The following ALDH1L1 variants were observed in gnomAD, a reference collection of about 807,000 sequenced individuals.
ALDH1L1 encodes the protein aldehyde dehydrogenase 1 family member L1, also known as cytosolic 10-formyltetrahydrofolate dehydrogenase.
In ALDH1L1, 68 loss-of-function variants were observed where a neutral mutation model predicts 101.1. That is an observed-to-expected ratio of 0.67 (90% CI 0.55 to 0.82). The LOEUF is 0.82. ALDH1L1 is among the 40% of genes least tolerant of loss of function. The probability of loss-of-function intolerance (pLI) is 0.00; values close to 1 mark genes in which losing one functional copy is unlikely to be tolerated. For missense variants in ALDH1L1, 1,087 were observed against 1,172.7 expected, an observed-to-expected ratio of 0.93 and a Z score of 1.07; for synonymous variants, 486 against 470.8, an observed-to-expected ratio of 1.03 and a Z score of -0.42.
chr3:126,192,543 G>A (rs529860260), intron 1 of ALDH1L1, among the ~76,000 whole-genome samples: 40 of 152,310 alleles, frequency 2.6e-4, no homozygotes, highest in Non-Finnish European at 4.7e-4. Flanking sequence ...AGGAGGTCAG[G>A]AAATTCTAAC....
In ALDH1L1 at chr3:126,114,634, T is replaced by C; in HGVS notation, c.2005A>G (p.Lys669Glu). 1.3e-6 allele frequency: 2 copies of C among 1,520,268 alleles called. No individual in the cohort carries two copies. The highest frequency in any genetic ancestry group is 1.8e-6 in the Non-Finnish European group (2 of 1,133,626). The allele number at this position is 1,520,268 out of a possible 1,614,324, so 94.2% of individuals were successfully genotyped here. The change falls in exon 18 of 23, where the codon AAG (lysine) becomes GAG (glutamate). Residue 669 changes from lysine to glutamate, a missense_variant. Around this residue, in one of 2 missense-constraint regions of ALDH1L1, gnomAD observed 442 missense variants for 535.7 expected, o/e 0.83. Coordinates refer to ENST00000393434, the MANE Select transcript of ALDH1L1 (RefSeq NM_012190.4). ...MKSCAISNVK[K>E]VSLELGGKSP... ...TTCCCGCCCAGTTCCAGGGACACCT[T>C]CTTCACGTTACTTATGGCACAGCTG...
chr3:126,130,198 C>G (rs1338018802), intron 14 of ALDH1L1, 25 bp downstream of exon 14: 2 of 1,589,928 alleles, frequency 1.3e-6, no homozygotes, highest in African/African-American at 2.7e-5. Flanking sequence ...CGCGAGGCTG[C>G]ACCTCGCCCT....
intron 12 of ALDH1L1, among the ~76,000 whole-genome samples, chr3:126,134,278 C>A (rs1184279228): frequency 6.6e-6 from 1 of 152,154 alleles, no homozygotes; most frequent in Non-Finnish European, 1.5e-5. Flanking sequence ...CCCAGGGTGC[C>A]CCCCTCACTG....
In ALDH1L1 at chr3:126,153,529, C is replaced by G. The variant is rs1210310053; in HGVS notation, c.773G>C (p.Gly258Ala). 4 of 1,614,192 alleles carry G rather than the reference C, an allele frequency of 2.5e-6. No individual in the cohort carries two copies. Among genetic ancestry groups the G allele is most frequent in the Non-Finnish European group, 3.4e-6 (4 of 1,180,044 alleles). The change falls in exon 7 of 23, where the codon GGA becomes GCA. Residue 258 changes from glycine (G) to alanine (A), a missense_variant. Physicochemically the swap from Gly to Ala is moderately conservative, Grantham distance 60 (BLOSUM62 0). Coordinates refer to ENST00000393434, the MANE Select transcript of ALDH1L1 (RefSeq NM_012190.4). ...TLNTSGLVPE[G>A]DALPIPGAHR... ...GGCTCCTGGGATGGGCAAAGCGTCT[C>G]CCTCGGGCACCAGGCCTGAAGTGTT...
Position 126,112,856 on chromosome 3 carries a change from T to C in ALDH1L1, c.2107A>G (p.Lys703Glu). 6.2e-7 allele frequency: 1 copy of C among 1,613,544 alleles called. No homozygotes were observed. The highest frequency in any genetic ancestry group is 8.5e-7 in the Non-Finnish European group (1 of 1,180,028). ...QMGMSSVFFN[K>E]GENCIAAGRL... The stretch of plus-strand genomic sequence containing the variant: ...CCTGCTGCAATGCAATTCTCTCCTT[T>C]GTTGAAGAAAACAGAACTCATCCCC... Residue 703 changes from lysine to glutamate, a missense_variant, in exon 19 of 23, where the codon AAA (lysine) becomes GAA (glutamate). Lys to Glu is a moderately conservative substitution (Grantham distance 56). Around this residue, in one of 2 missense-constraint regions of ALDH1L1, gnomAD observed 442 missense variants for 535.7 expected, o/e 0.83. Coordinates refer to ENST00000393434, the MANE Select transcript of ALDH1L1 (RefSeq NM_012190.4).
intron 9 of ALDH1L1, among the ~76,000 whole-genome samples, chr3:126,146,065 G>C (rs563934996): frequency 1.9e-3 from 288 of 152,158 alleles, no homozygotes; most frequent in Middle Eastern, 6.8e-3. Flanking sequence ...AAGCACATAG[G>C]CCCAACTCAG....
At chr3:126,125,748 G>A in intron 14 of ALDH1L1, 27 bp from the exon 15 acceptor site, 2 of 1,478,572 alleles carry the variant, frequency 1.4e-6, no homozygotes, top group Non-Finnish European at 1.8e-6. Context: ...GTTGGCCTTT[G>A]TCCTTCTTCT....
chr3:126,159,470 T>C (rs2080994832), intron 2 of ALDH1L1: 1 of 456,618 alleles, frequency 2.2e-6, no homozygotes, highest in African/African-American at 2.0e-5. Flanking sequence ...CACTTCTTTG[T>C]ATTCAGTTCT....
chr3:126,104,308 C>A (rs1945784042), intron 22 of ALDH1L1: 1 of 170,272 alleles, frequency 5.9e-6, no homozygotes. Flanking sequence ...AGCCCCATGA[C>A]AAGTGTGAGG....
rs772779224 is a variant in ALDH1L1, at chr3:126,110,050, C to T, written c.2241G>A (p.Gly747=). Residue 747 remains glycine (G), a synonymous_variant, in exon 20 of 23, where the codon GGG becomes GGA. Transcript: ENST00000393434. ...GNPLDRDTDH[G]PQNHHAHLVK... ...CAAGGTGGGCATGGTGATTCTGCGG[C>T]CCGTGGTCGGTGTCCCTGTCCAGCG... 1.9e-6 allele frequency: 3 copies of T among 1,614,226 alleles called. No homozygotes were observed. Among genetic ancestry groups the T allele is most frequent in the Non-Finnish European group, 1.7e-6 (2 of 1,180,034 alleles).
At chr3:126,140,615 T>C (rs1559944146) in intron 9 of ALDH1L1, among the ~76,000 whole-genome samples, 2 of 152,090 alleles carry the variant, frequency 1.3e-5, no homozygotes, top group Non-Finnish European at 2.9e-5. Flanking sequence ...GTATACAATG[T>C]ATAAAAATGT....
intron 1 of ALDH1L1, among the ~76,000 whole-genome samples, 177 bp from the exon 2 acceptor site, chr3:126,161,179 CAT>C (rs1354049890): frequency 1.3e-5 from 2 of 152,210 alleles, no homozygotes; most frequent in African/African-American, 4.8e-5. Context: ...CCAGATGAAA[CAT>C]GTACACATGA....
At position 126,126,355 on chromosome 3, in the gene ALDH1L1, C is replaced by A. The variant is rs9862054; in HGVS notation, c.1695-634G>T. Among the ~76,000 whole-genome samples, 1,064 of 152,300 alleles carry A rather than the reference C, an allele frequency of 7.0e-3. 3 individuals are homozygous for A. Among genetic ancestry groups the A allele is most frequent in the Non-Finnish European group, 0.011 (769 of 68,022 alleles). ...CTGGCCGGGTATGAATCCTGTGTGG[C>A]CCTGCCTTCCCCCCATACAGCACCA... On this transcript the variant is annotated intron_variant, in intron 14 of 22. Transcript: ENST00000393434.
intron 16 of ALDH1L1, among the ~76,000 whole-genome samples, chr3:126,118,781 G>A (rs768098187): frequency 3.3e-5 from 5 of 151,966 alleles, no homozygotes; most frequent in African/African-American, 1.2e-4. Context: ...CAAAACACCC[G>A]CCCTCAGGTG....
chr3:126,181,023 C>T, upstream of ALDH1L1: 7 of 1,597,838 alleles, frequency 4.4e-6, no homozygotes, highest in Non-Finnish European at 6.0e-6. Flanking sequence ...AATTTGCAGC[C>T]GCTTGCAGAG....
intron 1 of ALDH1L1, among the ~76,000 whole-genome samples, chr3:126,162,851 C>A (rs1157765922): frequency 1.3e-5 from 2 of 152,166 alleles, no homozygotes; most frequent in Non-Finnish European, 2.9e-5. Context: ...CCCTCTGGAA[C>A]TGATTTTTTC....
chr3:126,143,337 G>C (rs1297984352), intron 9 of ALDH1L1, among the ~76,000 whole-genome samples: 21 of 152,222 alleles, frequency 1.4e-4, no homozygotes, highest in Admixed American at 1.4e-3. Context: ...TGGGTGGGCA[G>C]TGCATACACC....
rs147049729 is a variant in ALDH1L1, at chr3:126,154,581, C to T, written c.693G>A (p.Pro231=). 1.6e-4 allele frequency: 261 copies of T among 1,614,080 alleles called. No homozygotes were observed. Among genetic ancestry groups the T allele is most frequent in the Non-Finnish European group, 2.1e-4 (248 of 1,180,042 alleles). Residue 231 remains proline, a synonymous_variant, in exon 6 of 23, where the codon CCG becomes CCA. Transcript: ENST00000393434. ...GTTCACAGGCCTCTGTCCAGGCTCC[C>T]GGCACCTTGTCGTTCCCGCGGATCC... ...HNWIRGNDKV[P]GAWTEACEQK...
intron 17 of ALDH1L1, among the ~76,000 whole-genome samples, chr3:126,117,658 A>G (rs1055511507): frequency 4.5e-5 from 6 of 133,952 alleles, no homozygotes; most frequent in African/African-American, 1.9e-4. Flanking sequence ...TCTCAAAAAA[A>G]AAAACAACAA....
Sources: gnomAD v4.1 joint callset for allele counts (sites outside exome capture counted in the v4.1 genomes callset) on GRCh38, gnomAD v4.1.1 for gene constraint, gnomAD v4.1.1 regional missense constraint, MANE v1.5 for transcripts, NCBI Gene and HGNC (gene_info 2026-07-23, HGNC 2026-07-21) for gene names.